PPP1R13B: variants seen among roughly 807,000 people sequenced by gnomAD.
PPP1R13B encodes the protein protein phosphatase 1 regulatory subunit 13B.
PPP1R13B carries 44 observed loss-of-function variants against 119.8 expected under a neutral mutation model. That is an observed-to-expected ratio of 0.37 (90% CI 0.29 to 0.47). The LOEUF (loss-of-function observed/expected upper bound fraction) is 0.47. PPP1R13B is among the 20% of genes least tolerant of loss of function. PPP1R13B has a pLI of 0.99. For missense variants in PPP1R13B, 1,227 were observed against 1,413.5 expected (o/e 0.87, Z 2.12); for synonymous variants, 542 against 561.5 (o/e 0.97, Z 0.49).
intron 4 of PPP1R13B, among the ~76,000 whole-genome samples, chr14:103,762,335 G>A (rs1384818539): frequency 1.3e-5 from 2 of 151,770 alleles, no homozygotes; most frequent in Non-Finnish European, 1.5e-5. Context: ...AACATCTACT[G>A]GCAAATGGGT....
chr14:103,785,362 G>A (rs889527343), intron 2 of PPP1R13B, among the ~76,000 whole-genome samples: 2 of 152,092 alleles, frequency 1.3e-5, no homozygotes, highest in African/African-American at 4.8e-5. Flanking sequence ...GAAATCACAG[G>A]CATCCACCAC....
At chr14:103,794,541 T>C in intron 2 of PPP1R13B, 1 of 358,476 alleles carries the variant, frequency 2.8e-6, no homozygotes, top group South Asian at 2.1e-5. Flanking sequence ...TTGGCCAGGC[T>C]GGTCTCAAAC....
chr14:103,765,983 TA>T (rs2084927550), intron 4 of PPP1R13B, among the ~76,000 whole-genome samples: 1 of 121,884 alleles, frequency 8.2e-6, no homozygotes, highest in African/African-American at 3.4e-5. Flanking sequence ...AGGAAATTTT[TA>T]TTTTATTATT....
rs376714153 is a variant in PPP1R13B at position 103,735,900 on chromosome 14, C to T, written c.3231+103G>A. Reference sequence around the variant, plus strand: ...CTCTACAGAGGGGGCTGCTGAGGCTCAGAGAAGCGAAGCCTCCCTCCCCAG... The same window carrying T: ...CTCTACAGAGGGGGCTGCTGAGGCTTAGAGAAGCGAAGCCTCCCTCCCCAG... On this transcript the variant is annotated intron_variant, in intron 16 of 16. Coordinates refer to ENST00000202556, the MANE Select transcript of PPP1R13B (RefSeq NM_015316.3). 9.3e-6 allele frequency: 12 copies of T among 1,295,322 alleles called. 1 individual carries two copies. Among genetic ancestry groups the T allele is most frequent in the Admixed American group, 6.1e-5 (3 of 48,970 alleles). The allele number at this position is 1,295,322 out of a possible 1,614,324, so 80.2% of individuals were successfully genotyped here. A position where few individuals can be genotyped will look rare whatever the true frequency, so the allele number is the denominator to read the frequency against.
At chr14:103,847,577 C>A, upstream of PPP1R13B, 2 of 985,542 alleles carry the variant, frequency 2.0e-6, no homozygotes, top group South Asian at 4.5e-5. Context: ...CGACAGCCTG[C>A]GGCCCGCCCG....
chr14:103,818,052 A>G (rs2086320490), intron 1 of PPP1R13B, among the ~76,000 whole-genome samples: 1 of 152,258 alleles, frequency 6.6e-6, no homozygotes. Context: ...TGTAATATAC[A>G]CATACCTTTG....
In PPP1R13B at chr14:103,766,477, C is replaced by T. The variant is rs79748870; in HGVS notation, c.355-8726G>A. On this transcript the variant is annotated intron_variant, in intron 4 of 16. Transcript: ENST00000202556. ...TCTTTCCATCACATGGGAGGTGATG[C>T]CCTCACCACCTGGCTGCAGCTTGGT... 2.4e-3 allele frequency among the ~76,000 whole-genome samples: 371 copies of T among 152,262 alleles called. 2 individuals carry two copies. Among genetic ancestry groups the T allele is most frequent in the African/African-American group, 8.5e-3 (354 of 41,562 alleles).
intron 9 of PPP1R13B, 127 bp downstream of exon 9, chr14:103,746,246 C>T: frequency 9.8e-7 from 1 of 1,019,512 alleles, no homozygotes; most frequent in Non-Finnish European, 1.4e-6. Flanking sequence ...CACGGGGAGA[C>T]TGAGCCTGGA....
intron 6 of PPP1R13B, among the ~76,000 whole-genome samples, chr14:103,753,693 C>T (rs546072352): frequency 7.2e-5 from 11 of 152,214 alleles, no homozygotes; most frequent in African/African-American, 2.4e-4. Flanking sequence ...TCCAAAGGGC[C>T]GCTGGTACCA....
chr14:103,736,480 C>T lies in PPP1R13B; in HGVS notation c.3032-278G>A, dbSNP rs74700930. 2.1e-4 allele frequency: 111 copies of T among 527,544 alleles called. No individual in the cohort carries two copies. The East Asian group carries it at 3.3e-3, about 16-fold the overall frequency. The allele number at this position is 527,544 out of a possible 1,614,324, so 32.7% of individuals were successfully genotyped here. On this transcript the variant is annotated intron_variant, in intron 15 of 16. Transcript: ENST00000202556. ...AGCCCCAGGGCAAGAGTGTGCTGTTCTTAAGGTGACGCTTAGCAATCACAG... is the reference window on the plus strand; with the variant it reads ...AGCCCCAGGGCAAGAGTGTGCTGTTTTTAAGGTGACGCTTAGCAATCACAG...
chr14:103,815,679 T>C (rs1449760427), intron 1 of PPP1R13B, among the ~76,000 whole-genome samples: 2 of 151,268 alleles, frequency 1.3e-5, no homozygotes, highest in African/African-American at 4.9e-5. Flanking sequence ...CGCTTGAAAC[T>C]GGAAGGTGGA....
chr14:103,823,724 C>T (rs543432344), intron 1 of PPP1R13B, among the ~76,000 whole-genome samples: 7 of 152,182 alleles, frequency 4.6e-5, no homozygotes, highest in Non-Finnish European at 1.0e-4. Flanking sequence ...TTACTATATG[C>T]TGGACTTTGT....
intron 2 of PPP1R13B, among the ~76,000 whole-genome samples, chr14:103,794,944 ATGTT>A (rs1219710437): frequency 1.3e-5 from 2 of 151,802 alleles, no homozygotes; most frequent in Non-Finnish European, 2.9e-5. Context: ...CTACTACATT[ATGTT>A]TGTTTGTTTT....
At chr14:103,754,560 TCAAAAAAA>T (rs1309946564) in intron 5 of PPP1R13B, among the ~76,000 whole-genome samples, 1 of 29,160 alleles carries the variant, frequency 3.4e-5, no homozygotes, top group African/African-American at 1.8e-4. Context: ...AGACTCAGTC[TCAAAAAAA>T]AAAAAAAAAA....
chr14:103,792,168 T>TTGTGTGTGTG (rs1197556180), intron 2 of PPP1R13B, among the ~76,000 whole-genome samples: 1 of 62,406 alleles, frequency 1.6e-5, no homozygotes. Flanking sequence ...CCTCTATTCA[T>TTGTGTGTGTG]CGTGTGTGTG....
intron 4 of PPP1R13B, among the ~76,000 whole-genome samples, chr14:103,776,155 AG>A (rs2085181980): frequency 8.0e-6 from 1 of 124,386 alleles, no homozygotes; most frequent in Non-Finnish European, 1.6e-5. Context: ...GAAGGAAGGA[AG>A]GGAGGAAGGG....
upstream of PPP1R13B, among the ~76,000 whole-genome samples, chr14:103,848,799 TCG>T (rs1327478536): frequency 6.6e-6 from 1 of 152,118 alleles, no homozygotes; most frequent in Admixed American, 6.5e-5. Context: ...CCACGGGGGC[TCG>T]TGTTTGCGAG....
chr14:103,763,209 T>C, intron 4 of PPP1R13B: 2 of 568,488 alleles, frequency 3.5e-6, no homozygotes, highest in South Asian at 2.1e-5. Flanking sequence ...GTCCATGAAA[T>C]AGGGTTGAAA....
At chr14:103,774,001 G>A (rs2085126044) in intron 4 of PPP1R13B, among the ~76,000 whole-genome samples, 2 of 152,192 alleles carry the variant, frequency 1.3e-5, no homozygotes, top group South Asian at 4.1e-4. Context: ...CACATTTATG[G>A]TCAATTGATC....
Sources: gnomAD v4.1 joint callset for allele counts (sites outside exome capture counted in the v4.1 genomes callset) on GRCh38, gnomAD v4.1.1 for gene constraint, MANE v1.5 for transcripts, NCBI Gene and HGNC (gene_info 2026-07-23, HGNC 2026-07-21) for gene names.